The following KHDRBS2 variants were observed in gnomAD, a reference collection of about 807,000 sequenced individuals.
The protein encoded by KHDRBS2 is KH domain-containing, RNA-binding, signal transduction-associated protein 2.
Under a neutral mutation model 44.3 loss-of-function variants are expected in KHDRBS2, and 26 were observed. The ratio of observed to expected loss-of-function variants is 0.59; its 90% confidence interval spans 0.43 to 0.81. The LOEUF is 0.81. Ranked by LOEUF, KHDRBS2 falls within the 40% of genes least tolerant of loss-of-function variation. KHDRBS2 has a pLI of 0.00. For synonymous variants in KHDRBS2, 194 were observed against 151.1 expected (o/e 1.28, Z -2.08); for missense variants, 476 against 433.1 (o/e 1.10, Z -0.88).
intron 3 of KHDRBS2, among the ~76,000 whole-genome samples, chr6:62,022,391 C>A (rs964984678): frequency 2.0e-5 from 3 of 151,616 alleles, no homozygotes; most frequent in African/African-American, 7.2e-5. Flanking sequence ...AGTTAACCAA[C>A]CTGTCTGTGT....
At chr6:62,114,705 A>G (rs1405229807) in intron 2 of KHDRBS2, among the ~76,000 whole-genome samples, 3 of 151,080 alleles carry the variant, frequency 2.0e-5, no homozygotes, top group African/African-American at 7.4e-5. Context: ...ACATTAACAT[A>G]GTAACAGTTA....
chr6:62,190,403 C>G (rs1309564366), intron 1 of KHDRBS2, among the ~76,000 whole-genome samples: 6 of 152,070 alleles, frequency 3.9e-5, no homozygotes, highest in African/African-American at 1.4e-4. Flanking sequence ...TGGTTCATTG[C>G]CTTCCTGAAC....
chr6:61,909,732 C>T (rs1383445758), intron 4 of KHDRBS2, among the ~76,000 whole-genome samples: 1 of 152,210 alleles, frequency 6.6e-6, no homozygotes, highest in Non-Finnish European at 1.5e-5. Flanking sequence ...CAGTTACGTA[C>T]ACTCATGTCC....
At chr6:62,179,960 A>G (rs772100774) in intron 1 of KHDRBS2, among the ~76,000 whole-genome samples, 17 of 151,828 alleles carry the variant, frequency 1.1e-4, no homozygotes, top group Non-Finnish European at 1.5e-4. Flanking sequence ...TGTCAAATGC[A>G]TAGTAACAAA....
chr6:61,772,243 C>A (rs1174483861), intron 6 of KHDRBS2, among the ~76,000 whole-genome samples: 3 of 152,126 alleles, frequency 2.0e-5, no homozygotes, highest in African/African-American at 4.8e-5. Context: ...GACACCCTAA[C>A]ATCACAATTA....
At chr6:61,725,682 T>G (rs1773434350) in intron 7 of KHDRBS2, among the ~76,000 whole-genome samples, 1 of 152,090 alleles carries the variant, frequency 6.6e-6, no homozygotes, top group South Asian at 2.1e-4. Context: ...GCACATAAAC[T>G]AGACAATCTA....
the KHDRBS2 span, among the ~76,000 whole-genome samples, chr6:61,611,396 T>A: frequency 6.6e-6 from 1 of 152,162 alleles, no homozygotes; most frequent in African/African-American, 2.4e-5. Flanking sequence ...AAGAAAAGGC[T>A]AAAGTAAATA....
the KHDRBS2 span, among the ~76,000 whole-genome samples, chr6:61,658,696 C>A: frequency 7.9e-5 from 12 of 151,714 alleles, no homozygotes; most frequent in African/African-American, 2.9e-4. Context: ...GATATGCATA[C>A]GCAGTTAAGA....
chr6:61,675,367 T>G (rs1481533853), downstream of KHDRBS2, among the ~76,000 whole-genome samples: 1 of 151,856 alleles, frequency 6.6e-6, no homozygotes, highest in African/African-American at 2.4e-5. Flanking sequence ...GTGCTTCAAC[T>G]GTTATTAAGC....
the KHDRBS2 span, among the ~76,000 whole-genome samples, chr6:61,581,045 T>C: frequency 3.3e-5 from 5 of 152,220 alleles, no homozygotes; most frequent in Non-Finnish European, 7.4e-5. Flanking sequence ...AGGTTGGGTC[T>C]TAAAAAGAGG....
At chr6:62,221,942 C>T (rs1423904787) in intron 1 of KHDRBS2, among the ~76,000 whole-genome samples, 1 of 152,108 alleles carries the variant, frequency 6.6e-6, no homozygotes, top group East Asian at 1.9e-4. Flanking sequence ...CAATAATCCA[C>T]AGCATGCAAT....
chr6:62,264,252 T>C (rs1332332754), intron 1 of KHDRBS2, among the ~76,000 whole-genome samples: 1 of 151,892 alleles, frequency 6.6e-6, no homozygotes, highest in African/African-American at 2.4e-5. Flanking sequence ...TTATGTTCCT[T>C]AACGCTAGTT....
intron 4 of KHDRBS2, among the ~76,000 whole-genome samples, chr6:61,931,053 C>A (rs73489431): frequency 0.01 from 1,578 of 151,936 alleles, 29 homozygotes; most frequent in African/African-American, 0.037. Flanking sequence ...TGTGAATCAA[C>A]AAAAAATTCA....
chr6:61,661,068 C>G, the KHDRBS2 span, among the ~76,000 whole-genome samples: 5 of 151,766 alleles, frequency 3.3e-5, no homozygotes, highest in Non-Finnish European at 5.9e-5. Context: ...ATGAAAGTCA[C>G]CACATTACCA....
Position 61,960,879 on chromosome 6 carries a change from A to C in KHDRBS2, c.483+17187T>G, listed in dbSNP as rs1209183739. Among the ~76,000 whole-genome samples, 3 of 152,142 alleles carry C rather than the reference A, an allele frequency of 2.0e-5. No individual in the cohort carries two copies. In the East Asian group the frequency reaches 5.8e-4, roughly 29 times the overall value. On this transcript the variant is annotated intron_variant, in intron 4 of 8. Transcript: ENST00000281156. ...GTAAGATGAAATGAGCACACTCTGCAATGTTTTACCCACTGAGTGCATGAA... is the reference window on the plus strand; with the variant it reads ...GTAAGATGAAATGAGCACACTCTGCCATGTTTTACCCACTGAGTGCATGAA...
At chr6:61,843,697 ATGCATCTT>A (rs1229844677) in intron 6 of KHDRBS2, among the ~76,000 whole-genome samples, 5 of 152,032 alleles carry the variant, frequency 3.3e-5, no homozygotes, top group African/African-American at 1.2e-4. Context: ...TTCATGTGCT[ATGCATCTT>A]TGTATTAGTA....
chr6:62,172,040 C>A (rs1323362576), intron 2 of KHDRBS2, among the ~76,000 whole-genome samples: 2 of 152,062 alleles, frequency 1.3e-5, no homozygotes, highest in Non-Finnish European at 2.9e-5. Context: ...TAATAACTAC[C>A]TAATAACATG....
At chr6:61,628,792 C>T in the KHDRBS2 span, among the ~76,000 whole-genome samples, 3 of 152,154 alleles carry the variant, frequency 2.0e-5, no homozygotes, top group African/African-American at 7.2e-5. Flanking sequence ...CTAGTCTAAA[C>T]CACACAGGAT....
At chr6:61,632,170 G>A in the KHDRBS2 span, among the ~76,000 whole-genome samples, 1 of 152,140 alleles carries the variant, frequency 6.6e-6, no homozygotes, top group Non-Finnish European at 1.5e-5. Flanking sequence ...CAAGTATTAT[G>A]AGTATGGCCA....
Sources: allele counts gnomAD v4.1 joint callset (sites outside exome capture counted in the v4.1 genomes callset), GRCh38; gene constraint gnomAD v4.1.1; transcripts MANE v1.5; gene names NCBI Gene and HGNC (gene_info 2026-07-23, HGNC 2026-07-21).